The following CTDSP1 variants were observed in gnomAD, a reference collection of about 807,000 sequenced individuals.
The protein encoded by CTDSP1 is carboxy-terminal domain RNA polymerase II polypeptide A small phosphatase 1.
Under a neutral mutation model 32.5 loss-of-function variants are expected in CTDSP1, and 15 were observed. The observed-to-expected ratio is 0.46, with a 90% CI of 0.31 to 0.71. The LOEUF (loss-of-function observed/expected upper bound fraction) is 0.71, where lower values mean the gene tolerates loss of function less well. Ranked by LOEUF, CTDSP1 falls within the 30% of genes least tolerant of loss-of-function variation. CTDSP1 has a pLI of 0.05. For synonymous variants in CTDSP1, 185 were observed against 145.4 expected, an observed-to-expected ratio of 1.27 and a Z score of -1.96; for missense variants, 294 against 351.1, an observed-to-expected ratio of 0.84 and a Z score of 1.30.
upstream of CTDSP1, chr2:218,399,647 C>T (rs577244156): frequency 5.6e-5 from 47 of 835,800 alleles, no homozygotes; most frequent in African/African-American, 1.7e-4. Context: ...AGCCGGGTGC[C>T]GGGCCTGCCA....
At chr2:218,398,241 C>T (rs767800011), upstream of CTDSP1, 804 of 638,482 alleles carry the variant, frequency 1.3e-3, 1 homozygote, top group Non-Finnish European at 2.0e-3. Flanking sequence ...CCGCCTTTGC[C>T]CTTGCCGGTA....
At chr2:218,397,398 G>A (rs559524411), upstream of CTDSP1, among the ~76,000 whole-genome samples, 51 of 152,274 alleles carry the variant, frequency 3.3e-4, no homozygotes, top group African/African-American at 1.2e-3. Flanking sequence ...AGGCCTCCCA[G>A]GGAGGGCGTG....
chr2:218,399,969 G>A lies in CTDSP1; in HGVS notation c.-122G>A, dbSNP rs1480901624. On this transcript the variant is annotated 5_prime_UTR_variant, in exon 1 of 7. Coordinates refer to ENST00000273062, the MANE Select transcript of CTDSP1 (RefSeq NM_021198.3). The stretch of plus-strand genomic sequence containing the variant: ...GAACCTGGCTCCCCTCCCCTCCGGA[G>A]CTCGCGGGGATCCCTCCCTCCCACC... 1.8e-6 allele frequency: 2 copies of A among 1,083,494 alleles called. No homozygotes were observed. Among genetic ancestry groups the A allele is most frequent in the South Asian group, 2.5e-5 (1 of 39,772 alleles). The allele number at this position is 1,083,494 out of a possible 1,614,324, so 67.1% of individuals were successfully genotyped here. A position where few individuals can be genotyped will look rare whatever the true frequency, so the allele number is the denominator to read the frequency against.
upstream of CTDSP1, chr2:218,399,684 G>A (rs1696998887): frequency 1.2e-5 from 12 of 964,578 alleles, no homozygotes; most frequent in South Asian, 4.8e-5. Flanking sequence ...CAGCCCCGCC[G>A]GCGGGCGGCA....
At chr2:218,396,856 G>A (rs909634963), upstream of CTDSP1, 4 of 152,558 alleles carry the variant, frequency 2.6e-5, no homozygotes, top group South Asian at 4.1e-4. Flanking sequence ...GTTGGGGAGG[G>A]CGGCAAAGTC....
chr2:218,402,208 C>T lies in CTDSP1; in HGVS notation c.314C>T (p.Ser105Phe). The change falls in exon 3 of 7, where the codon TCC (serine) becomes TTC (phenylalanine). Residue 105 changes from serine to phenylalanine, a missense_variant. Physicochemically the swap from Ser to Phe is radical, Grantham distance 155. Coordinates refer to ENST00000273062, the MANE Select transcript of CTDSP1 (RefSeq NM_021198.3). Reference sequence around the variant, plus strand: ...CTGGACGAGACCCTGGTGCACAGCTCCTTCAAGGTGGGCCCTGCTCAACAG... The same window carrying T: ...CTGGACGAGACCCTGGTGCACAGCTTCTTCAAGGTGGGCCCTGCTCAACAG... ...IDLDETLVHS[S>F]FKPVNNADFI... 1.9e-6 allele frequency: 3 copies of T among 1,613,644 alleles called. No homozygotes were observed. The highest frequency in any genetic ancestry group is 2.5e-6 in the Non-Finnish European group (3 of 1,179,828).
Position 218,404,527 on chromosome 2 carries a change from C to T in CTDSP1, c.*102C>T, listed in dbSNP as rs1348904755. ...GTTAGGAAAACCCATGGGCCGCCGC[C>T]ACACTCAGTGCCATGGGGAAGCGGG... On this transcript the variant is annotated 3_prime_UTR_variant, in exon 7 of 7. Transcript: ENST00000273062. The T allele has an allele frequency of 9.7e-6, 14 of 1,449,070 alleles. No homozygotes were observed. The highest frequency in any genetic ancestry group is 1.2e-5 in the South Asian group (1 of 80,584). The allele number at this position is 1,449,070 out of a possible 1,614,324, so 89.8% of individuals were successfully genotyped here.
At chr2:218,403,007 G>C (rs374746834) in intron 4 of CTDSP1, 28 bp from the exon 5 acceptor site, 1 of 1,565,752 alleles carries the variant, frequency 6.4e-7, no homozygotes, top group Non-Finnish European at 8.8e-7. Context: ...CCACTGGCCC[G>C]CAGCCCCCTC....
Position 218,400,027 on chromosome 2 carries a change from C to A in CTDSP1, c.-64C>A. On this transcript the variant is annotated 5_prime_UTR_variant, in exon 1 of 7. Transcript: ENST00000273062. ...TCCCCCCCGCGCCCCGATTCCGGCC[C>A]CAGCCGGGGGGGAGGCCGGGCGCCC... The A allele has an allele frequency of 2.2e-6, 3 of 1,341,488 alleles. No individual in the cohort carries two copies. Among genetic ancestry groups the A allele is most frequent in the Non-Finnish European group, 2.9e-6 (3 of 1,043,542 alleles). 83.1% of individuals were successfully genotyped at this position (1,341,488 alleles called of 1,614,324 possible). A position where few individuals can be genotyped will look rare whatever the true frequency, so the allele number is the denominator to read the frequency against.
In CTDSP1 at chr2:218,405,271, G is replaced by A. The variant is rs1431696531; in HGVS notation, c.*846G>A. 3 of 152,844 alleles carry A rather than the reference G, an allele frequency of 2.0e-5. No individual in the cohort carries two copies. Among genetic ancestry groups the A allele is most frequent in the Non-Finnish European group, 4.4e-5 (3 of 68,098 alleles). The allele number at this position is 152,844 out of a possible 1,614,324, so 9.5% of individuals were successfully genotyped here. A position where few individuals can be genotyped will look rare whatever the true frequency, so the allele number is the denominator to read the frequency against. On this transcript the variant is annotated 3_prime_UTR_variant, in exon 7 of 7. Transcript: ENST00000273062. ...CCTTGCCCCTTTCCTGGGCCCAGAA[G>A]TTGGGGGGAGGGAGGGAAAGGATTT...
chr2:218,398,265 T>C, upstream of CTDSP1: 1 of 731,374 alleles, frequency 1.4e-6, no homozygotes, highest in Non-Finnish European at 2.3e-6. Context: ...CCGAAGCACG[T>C]CGCTTCCTTT....
At chr2:218,397,092 T>A (rs377042042), upstream of CTDSP1, among the ~76,000 whole-genome samples, 46 of 152,240 alleles carry the variant, frequency 3.0e-4, no homozygotes, top group African/African-American at 1.0e-3. Context: ...TGTGTGCACA[T>A]CTGCCAAGAC....
At chr2:218,401,095 C>T (rs949235297) in intron 1 of CTDSP1, 1 of 377,998 alleles carries the variant, frequency 2.6e-6, no homozygotes, top group African/African-American at 2.1e-5. Context: ...GACTGCACCC[C>T]TGCCTCTGGG....
intron 1 of CTDSP1, chr2:218,400,900 C>T (rs1266671843): frequency 8.8e-6 from 4 of 455,336 alleles, no homozygotes; most frequent in South Asian, 4.6e-5. Flanking sequence ...GCCCCCAGGT[C>T]TGCCCACCCT....
In CTDSP1 at chr2:218,401,642, A is replaced by T. The variant is rs772347987; in HGVS notation, c.146A>T (p.Asp49Val). 6.2e-7 allele frequency: 1 copy of T among 1,613,006 alleles called. No homozygotes were observed. The highest frequency in any genetic ancestry group is 8.5e-7 in the Non-Finnish European group (1 of 1,179,558). Residue 49 changes from aspartate to valine, a missense_variant, in exon 2 of 7, where the codon GAT (aspartate) becomes GTT (valine). Asp to Val is a radical substitution (Grantham distance 152). Transcript: ENST00000273062. ...TCACTCTTCTGCTGTGTCTGCCGGG[A>T]TGATGGGGAGGCCCTGCCTGCTCAC... Reference protein sequence around the residue: ...LHSLFCCVCRDDGEALPAHSG... With the variant: ...LHSLFCCVCRVDGEALPAHSG...
chr2:218,404,139 T>C (rs1459235664), intron 6 of CTDSP1, among the ~76,000 whole-genome samples, 158 bp from the exon 7 acceptor site: 2 of 152,114 alleles, frequency 1.3e-5, no homozygotes, highest in African/African-American at 4.8e-5. Flanking sequence ...ACGTTATAAA[T>C]GTGTTTTCCT....
upstream of CTDSP1, among the ~76,000 whole-genome samples, chr2:218,397,321 C>T (rs902246236): frequency 1.3e-5 from 2 of 152,156 alleles, no homozygotes; most frequent in African/African-American, 2.4e-5. Flanking sequence ...TCTGGTTCTT[C>T]CAGCCTGGCC....
At chr2:218,398,512 A>T, upstream of CTDSP1, 2 of 1,373,474 alleles carry the variant, frequency 1.5e-6, no homozygotes, top group Non-Finnish European at 1.9e-6. Flanking sequence ...TCCCGCCCCT[A>T]CTCCCAGCCT....
intron 3 of CTDSP1, 23 bp downstream of exon 3, chr2:218,402,238 C>T (rs1384792854): frequency 2.5e-6 from 4 of 1,611,762 alleles, no homozygotes; most frequent in Non-Finnish European, 3.4e-6. Context: ...CAACAGCCCT[C>T]AGCCCGGGTC....
Sources: gnomAD v4.1 joint callset for allele counts (sites outside exome capture counted in the v4.1 genomes callset) on GRCh38, gnomAD v4.1.1 for gene constraint, MANE v1.5 for transcripts, NCBI Gene and HGNC (gene_info 2026-07-23, HGNC 2026-07-21) for gene names.